ADAMTS20: variants seen among roughly 807,000 people sequenced by gnomAD.
ADAMTS20 encodes ADAM metallopeptidase with thrombospondin type 1 motif 20, also known as A disintegrin and metalloproteinase with thrombospondin motifs 20.
A neutral mutation model predicts 260.1 loss-of-function variants in ADAMTS20; 225 were observed. The ratio of observed to expected loss-of-function variants is 0.87; its 90% CI spans 0.78 to 0.97. ADAMTS20 has a LOEUF of 0.97. ADAMTS20 is among the 50% of genes least tolerant of loss of function. ADAMTS20 has a pLI of 0.00. For synonymous variants in ADAMTS20, 802 were observed against 769.5 expected, an observed-to-expected ratio of 1.04 and a Z score of -0.70; for missense variants, 2,400 against 2,337.7, an observed-to-expected ratio of 1.03 and a Z score of -0.55.
chr12:43,497,635 T>C (rs910532015), intron 4 of ADAMTS20, among the ~76,000 whole-genome samples: 12 of 152,106 alleles, frequency 7.9e-5, no homozygotes, highest in Non-Finnish European at 1.5e-4. Context: ...TGAAAGCATA[T>C]CATTAGTTTT....
chr12:43,377,600 A>C (rs770758705), intron 31 of ADAMTS20, 38 bp from the exon 32 acceptor site: 1 of 1,552,036 alleles, frequency 6.4e-7, no homozygotes, highest in East Asian at 2.3e-5. Flanking sequence ...AAATGTCATT[A>C]ACTTTAGCCA....
At chr12:43,385,583 T>A (rs1940455173) in intron 29 of ADAMTS20, among the ~76,000 whole-genome samples, 1 of 152,218 alleles carries the variant, frequency 6.6e-6, no homozygotes, top group Admixed American at 6.5e-5. Flanking sequence ...TGGTTTTAGA[T>A]CTTATGTTTA....
At chr12:43,388,346 C>T (rs1243218101) in intron 29 of ADAMTS20, among the ~76,000 whole-genome samples, 1 of 152,176 alleles carries the variant, frequency 6.6e-6, no homozygotes, top group East Asian at 1.9e-4. Flanking sequence ...TCTGTTCACC[C>T]TCCGTGGGCT....
At chr12:43,479,927 G>T (rs1186365781) in intron 7 of ADAMTS20, among the ~76,000 whole-genome samples, 1 of 152,046 alleles carries the variant, frequency 6.6e-6, no homozygotes, top group East Asian at 1.9e-4. Context: ...TATTAAAAAA[G>T]AGAGGCACAA....
intron 36 of ADAMTS20, among the ~76,000 whole-genome samples, chr12:43,374,855 T>C (rs1398640954): frequency 6.6e-6 from 1 of 152,184 alleles, no homozygotes; most frequent in African/African-American, 2.4e-5. Flanking sequence ...GTATCTTACT[T>C]GTTACTGTCA....
chr12:43,511,242 C>T (rs991774460), intron 3 of ADAMTS20, among the ~76,000 whole-genome samples: 1 of 152,056 alleles, frequency 6.6e-6, no homozygotes, highest in Non-Finnish European at 1.5e-5. Flanking sequence ...AATCTCTTGT[C>T]CCTCCCATTC....
At chr12:43,389,912 G>A (rs919524641) in intron 29 of ADAMTS20, among the ~76,000 whole-genome samples, 8 of 152,138 alleles carry the variant, frequency 5.3e-5, no homozygotes, top group African/African-American at 1.2e-4. Context: ...AAATTTAGGC[G>A]GAAGTTGCCA....
chr12:43,372,698 C>T (rs1389299392), intron 36 of ADAMTS20, among the ~76,000 whole-genome samples: 3 of 152,130 alleles, frequency 2.0e-5, no homozygotes, highest in Non-Finnish European at 4.4e-5. Context: ...AAATAACGTT[C>T]TTGAGTAGGT....
At chr12:43,391,550 A>G (rs1940596986) in intron 29 of ADAMTS20, among the ~76,000 whole-genome samples, 1 of 152,186 alleles carries the variant, frequency 6.6e-6, no homozygotes, top group Admixed American at 6.6e-5. Flanking sequence ...AAAAGTGTAG[A>G]GTATGTCTAA....
chr12:43,478,543 G>A lies in ADAMTS20; in HGVS notation c.1118-9838C>T, dbSNP rs558278554. Reference sequence around the variant, plus strand: ...ATATAGGACTCATGACATAGCCCAAGCAGGATAAATAAAAAGAAACATACC... The same window carrying A: ...ATATAGGACTCATGACATAGCCCAAACAGGATAAATAAAAAGAAACATACC... On this transcript the variant is annotated intron_variant, in intron 7 of 38. Coordinates refer to ENST00000389420, the MANE Select transcript of ADAMTS20 (RefSeq NM_025003.5). 6.4e-4 allele frequency among the ~76,000 whole-genome samples: 97 copies of A among 152,112 alleles called. 2 individuals are homozygous for A. The highest frequency in any genetic ancestry group is 2.2e-3 in the African/African-American group (91 of 41,530).
intron 2 of ADAMTS20, among the ~76,000 whole-genome samples, chr12:43,544,590 G>A (rs929944236): frequency 3.9e-5 from 6 of 152,146 alleles, no homozygotes; most frequent in African/African-American, 1.4e-4. Flanking sequence ...CAGGGGAAAA[G>A]GAAGGCAGCT....
intron 28 of ADAMTS20, among the ~76,000 whole-genome samples, chr12:43,408,206 A>G (rs1033459887): frequency 3.9e-5 from 6 of 152,202 alleles, no homozygotes; most frequent in African/African-American, 1.4e-4. Context: ...TGTGTGCCAC[A>G]TTCCATTATA....
At position 43,439,908 on chromosome 12, in the gene ADAMTS20, G is replaced by A. The variant is rs1659024192; in HGVS notation, c.2452C>T (p.Leu818Phe). Residue 818 changes from leucine (L) to phenylalanine (F), a missense_variant, in exon 17 of 39, where the codon CTT becomes TTT. Leu to Phe is a conservative substitution (Grantham distance 22, BLOSUM62 0). Transcript: ENST00000389420. ...INSTNRQEKE[L>F]ILQVLCVGNL... ...GACTGAGAATTTACCTGCAAAATAA[G>A]TTCTTTCTCTTGTCGATTAGTACTA... The A allele has an allele frequency of 1.9e-6, 3 of 1,604,412 alleles. No homozygotes were observed. The highest frequency in any genetic ancestry group is 2.6e-6 in the Non-Finnish European group (3 of 1,175,458).
chr12:43,537,595 C>T (rs563036009), intron 2 of ADAMTS20, among the ~76,000 whole-genome samples: 1 of 152,170 alleles, frequency 6.6e-6, no homozygotes, highest in East Asian at 1.9e-4. Context: ...ACCTGTTGTA[C>T]TAGCAAATAG....
chr12:43,362,830 GAA>G (rs796818223), intron 37 of ADAMTS20, among the ~76,000 whole-genome samples: 5 of 89,080 alleles, frequency 5.6e-5, no homozygotes, highest in South Asian at 3.4e-4. Context: ...AGTATAATTA[GAA>G]AAAAAAAAAA....
At chr12:43,427,854 CT>C (rs1315641748) in intron 26 of ADAMTS20, among the ~76,000 whole-genome samples, 1 of 152,102 alleles carries the variant, frequency 6.6e-6, no homozygotes, top group East Asian at 1.9e-4. Flanking sequence ...AAAATATGAA[CT>C]AAAACTATAC....
rs764835391 is a variant in ADAMTS20 at position 43,452,673 on chromosome 12, A to G, written c.1783T>C (p.Cys595Arg). The G allele has an allele frequency of 6.2e-7, 1 of 1,608,406 alleles. No homozygotes were observed. Among genetic ancestry groups the G allele is most frequent in the Admixed American group, 1.7e-5 (1 of 59,702 alleles). ...RPEPRNGGNY[C>R]VGRRMKFRSC... Reference sequence around the variant, plus strand: ...CGAAATTTCATCCTGCGGCCCACACAGTAATTTCCTCCGTTTCTTGGCCTA... The same window carrying G: ...CGAAATTTCATCCTGCGGCCCACACGGTAATTTCCTCCGTTTCTTGGCCTA... Residue 595 changes from cysteine (C) to arginine (R), a missense_variant, in exon 13 of 39, where the codon TGT becomes CGT. By Grantham distance (180) the Cys-to-Arg change is radical. Coordinates refer to ENST00000389420, the MANE Select transcript of ADAMTS20 (RefSeq NM_025003.5).
At position 43,551,403 on chromosome 12, in the gene ADAMTS20, G is replaced by T; in HGVS notation, c.92-133C>A. The T allele has an allele frequency of 7.7e-7, 1 of 1,291,932 alleles. No homozygotes were observed. The highest frequency in any genetic ancestry group is 1.0e-6 in the Non-Finnish European group (1 of 960,708). The allele number at this position is 1,291,932 out of a possible 1,614,324, so 80.0% of individuals were successfully genotyped here. A position where few individuals can be genotyped will look rare whatever the true frequency, so the allele number is the denominator to read the frequency against. ...CCAGGGGCAAGACAAATGCACACAT[G>T]CTGATGCGCACGCACACACACACAC... On this transcript the variant is annotated intron_variant, in intron 1 of 38. Transcript: ENST00000389420. This position sits in a 1 kb window ranked among gnomAD's most constrained non-coding sequence, Gnocchi z 4.6.
At chr12:43,487,589 T>A (rs1333377110) in intron 7 of ADAMTS20, among the ~76,000 whole-genome samples, 2 of 151,964 alleles carry the variant, frequency 1.3e-5, no homozygotes, top group African/African-American at 2.4e-5. Flanking sequence ...AATAAAAAAA[T>A]TAATAAATTA....
Sources: gnomAD v4.1 joint callset for allele counts (sites outside exome capture counted in the v4.1 genomes callset) on GRCh38, gnomAD v4.1.1 for gene constraint, Gnocchi (gnomAD v3.1) non-coding constraint, MANE v1.5 for transcripts, NCBI Gene and HGNC (gene_info 2026-07-23, HGNC 2026-07-21) for gene names.